The following MEI4 variants were observed in gnomAD, a reference collection of about 807,000 sequenced individuals.
MEI4 encodes meiosis-specific protein MEI4.
In MEI4, 27 loss-of-function variants were observed where a neutral mutation model predicts 31.4. The observed-to-expected ratio is 0.86, with a 90% CI of 0.63 to 1.19. The LOEUF (loss-of-function observed/expected upper bound fraction) is 1.19, where lower values mean the gene tolerates loss of function less well. Ranked by LOEUF, MEI4 falls within the 50% of genes most tolerant of loss-of-function variation. The pLI, the probability that MEI4 is intolerant of heterozygous loss-of-function variation, is 0.00. For synonymous variants in MEI4, 122 were observed against 145.4 expected (o/e 0.84, Z 1.16); for missense variants, 329 against 398.9 (o/e 0.82, Z 1.49).
chr6:77,881,622 TC>T (rs1347251980), intron 4 of MEI4, among the ~76,000 whole-genome samples: 2 of 152,010 alleles, frequency 1.3e-5, no homozygotes, highest in Non-Finnish European at 1.5e-5. Flanking sequence ...AATGTGCTCC[TC>T]ATCTGTTGGT....
At chr6:77,795,075 A>G (rs117607601) in intron 3 of MEI4, among the ~76,000 whole-genome samples, 1,751 of 152,338 alleles carry the variant, frequency 0.011, 13 homozygotes, top group Middle Eastern at 0.024. Flanking sequence ...TAGTAAAAGC[A>G]GTTCTAAGGG....
rs1361131404 is a variant in MEI4 at position 77,925,312 on chromosome 6, T to G, written c.*1966T>G. On this transcript the variant is annotated 3_prime_UTR_variant, in exon 5 of 5. Transcript: ENST00000684080. ...TGTGAATGCACAAAATGGAGAAACA[T>G]TTTATTTCCATTTGGTATCCATTTT... The G allele has an allele frequency of 6.6e-6, 1 of 151,860 alleles. No homozygotes were observed. The highest frequency in any genetic ancestry group is 2.1e-4 in the South Asian group (1 of 4,836). 9.4% of individuals were successfully genotyped at this position (151,860 alleles called of 1,614,324 possible).
At chr6:77,919,824 C>T (rs1025732070) in intron 4 of MEI4, among the ~76,000 whole-genome samples, 1 of 149,226 alleles carries the variant, frequency 6.7e-6, no homozygotes, top group African/African-American at 2.4e-5. Flanking sequence ...GATATCACCA[C>T]CGATCCCACA....
At chr6:77,907,699 T>G (rs1047695305) in intron 4 of MEI4, among the ~76,000 whole-genome samples, 61 of 152,296 alleles carry the variant, frequency 4.0e-4, no homozygotes, top group Admixed American at 2.0e-4. Flanking sequence ...TCTAGATCCC[T>G]GAGGAATCTA....
intron 4 of MEI4, among the ~76,000 whole-genome samples, chr6:77,851,541 C>A (rs2127718418): frequency 6.7e-6 from 1 of 149,134 alleles, no homozygotes; most frequent in East Asian, 2.0e-4. Context: ...GGACAAAAAA[C>A]CAAACACCGC....
At chr6:77,917,795 T>C (rs878991092) in intron 4 of MEI4, among the ~76,000 whole-genome samples, 2 of 151,188 alleles carry the variant, frequency 1.3e-5, no homozygotes, top group East Asian at 3.9e-4. Context: ...GTCAATTTTG[T>C]CTTTTCTTGC....
intron 2 of MEI4, among the ~76,000 whole-genome samples, chr6:77,756,220 T>C (rs1767912352): frequency 6.6e-6 from 1 of 152,198 alleles, no homozygotes; most frequent in African/African-American, 2.4e-5. Flanking sequence ...TCTTTATGAA[T>C]AAATATTTAT....
At chr6:77,779,330 G>T (rs1768535839) in intron 3 of MEI4, among the ~76,000 whole-genome samples, 1 of 152,176 alleles carries the variant, frequency 6.6e-6, no homozygotes, top group South Asian at 2.1e-4. Context: ...GAACTGAAAG[G>T]TGTTCCAAGT....
Position 77,709,060 on chromosome 6 carries a change from A to T in MEI4, c.232+18157A>T, listed in dbSNP as rs1766396967. On this transcript the variant is annotated intron_variant, in intron 2 of 4. Transcript: ENST00000684080. ...ATCATACCTTTTCTGCCTCTATGGCATTATTAATTATCTTGTAATAAATGT... is the reference window on the plus strand; with the variant it reads ...ATCATACCTTTTCTGCCTCTATGGCTTTATTAATTATCTTGTAATAAATGT... Among the ~76,000 whole-genome samples, 2 of 152,196 alleles carry T rather than the reference A, an allele frequency of 1.3e-5. 1 individual carries two copies. The highest frequency in any genetic ancestry group is 4.1e-4 in the South Asian group (2 of 4,838).
chr6:77,787,162 G>A (rs1356842554), intron 3 of MEI4, among the ~76,000 whole-genome samples: 1 of 151,848 alleles, frequency 6.6e-6, no homozygotes, highest in Non-Finnish European at 1.5e-5. Context: ...GGACACTGAA[G>A]CAGCCAGGTT....
At chr6:77,658,155 T>C (rs556545967) in intron 1 of MEI4, among the ~76,000 whole-genome samples, 14 of 152,260 alleles carry the variant, frequency 9.2e-5, no homozygotes, top group African/African-American at 3.4e-4. Context: ...TTAGTTCTTA[T>C]AGGTTTTGGG....
At chr6:77,870,116 T>A (rs992198809) in intron 4 of MEI4, among the ~76,000 whole-genome samples, 1 of 152,138 alleles carries the variant, frequency 6.6e-6, no homozygotes, top group Non-Finnish European at 1.5e-5. Context: ...ACAATTCAGC[T>A]TATGATTTTT....
intron 3 of MEI4, among the ~76,000 whole-genome samples, chr6:77,781,029 T>C (rs551978806): frequency 6.6e-6 from 1 of 152,182 alleles, no homozygotes; most frequent in African/African-American, 2.4e-5. Context: ...CGAGACTGCA[T>C]GCCCACAGAA....
chr6:77,680,050 A>AT (rs1477402164), intron 1 of MEI4, among the ~76,000 whole-genome samples: 1 of 147,656 alleles, frequency 6.8e-6, no homozygotes, highest in Non-Finnish European at 1.5e-5. Context: ...TGAGTGTTGT[A>AT]TTTTTTTAAA....
intron 2 of MEI4, among the ~76,000 whole-genome samples, chr6:77,696,515 G>T (rs1313798737): frequency 6.6e-6 from 1 of 151,856 alleles, no homozygotes. Flanking sequence ...TGCATCTATT[G>T]AGATAATCAT....
At chr6:77,835,252 T>G (rs184734155) in intron 4 of MEI4, among the ~76,000 whole-genome samples, 1 of 150,178 alleles carries the variant, frequency 6.7e-6, no homozygotes, top group Admixed American at 6.6e-5. Flanking sequence ...CCCAGCTACT[T>G]GGGAGGCTGA....
chr6:77,925,801 TTAAA>T lies in MEI4; in HGVS notation c.*2458_*2461del, dbSNP rs900317228. The T allele has an allele frequency of 2.7e-5, 4 of 148,040 alleles. No individual in the cohort carries two copies. Among genetic ancestry groups the T allele is most frequent in the African/African-American group, 7.3e-5 (3 of 40,826 alleles). 9.2% of individuals were successfully genotyped at this position (148,040 alleles called of 1,614,324 possible). A position where few individuals can be genotyped will look rare whatever the true frequency, so the allele number is the denominator to read the frequency against. On this transcript the variant is annotated 3_prime_UTR_variant, in exon 5 of 5. Coordinates refer to ENST00000684080, the MANE Select transcript of MEI4 (RefSeq NM_001322247.2). ...TATTTTATATGAGAGTAAATATATA[TTAAA>T]TATTTTATATACATTTATATAATAA...
chr6:77,712,633 G>T (rs778456385), intron 2 of MEI4, among the ~76,000 whole-genome samples: 1 of 152,146 alleles, frequency 6.6e-6, no homozygotes, highest in Non-Finnish European at 1.5e-5. Context: ...TAGGTGCTCC[G>T]TGATTAATTT....
At chr6:77,786,746 A>T (rs1768746064) in intron 3 of MEI4, among the ~76,000 whole-genome samples, 1 of 152,214 alleles carries the variant, frequency 6.6e-6, no homozygotes, top group South Asian at 2.1e-4. Context: ...AAGCTTCTTT[A>T]TGCCATTAGT....
Sources: allele counts gnomAD v4.1 joint callset (sites outside exome capture counted in the v4.1 genomes callset), GRCh38; gene constraint gnomAD v4.1.1; transcripts MANE v1.5; gene names NCBI Gene and HGNC (gene_info 2026-07-23, HGNC 2026-07-21).